Variants in PDE3A observed in about 807,000 individuals in gnomAD.
The protein encoded by PDE3A is phosphodiesterase 3A.
In PDE3A, 43 loss-of-function variants were observed where a neutral mutation model predicts 98.3. The ratio of observed to expected loss-of-function variants is 0.44; its 90% CI spans 0.34 to 0.56. The LOEUF (loss-of-function observed/expected upper bound fraction) is 0.56, where lower values mean the gene tolerates loss of function less well. PDE3A is among the 20% of genes least tolerant of loss of function. The probability of loss-of-function intolerance (pLI) is 0.01; values close to 1 mark genes in which losing one functional copy is unlikely to be tolerated. For synonymous variants in PDE3A, 663 were observed against 567.9 expected, an observed-to-expected ratio of 1.17 and a Z score of -2.38; for missense variants, 1,427 against 1,440.7, an observed-to-expected ratio of 0.99 and a Z score of 0.15.
chr12:20,601,087 A>G (rs1212969341), intron 2 of PDE3A, among the ~76,000 whole-genome samples: 2 of 152,220 alleles, frequency 1.3e-5, no homozygotes, highest in Admixed American at 1.3e-4. Context: ...TTGAGCCTGA[A>G]GGAGGAAGAC....
Position 20,558,406 on chromosome 12 carries a change from G to A in PDE3A, c.1011+1696G>A, listed in dbSNP as rs183369735. On this transcript the variant is annotated intron_variant, in intron 2 of 15. Coordinates refer to ENST00000359062, the MANE Select transcript of PDE3A (RefSeq NM_000921.5). ...TCTAAAAAGCAAAAGCATTAAAATC[G>A]GCTTGCATGAATTACCATTATCAAC... Among the ~76,000 whole-genome samples the A allele has an allele frequency of 2.0e-5, 3 of 151,898 alleles. No individual in the cohort carries two copies. In the East Asian group the frequency reaches 5.8e-4, roughly 29 times the overall value.
intron 1 of PDE3A, among the ~76,000 whole-genome samples, chr12:20,395,865 T>G (rs1426027374): frequency 6.6e-6 from 1 of 151,774 alleles, no homozygotes; most frequent in African/African-American, 2.4e-5. Context: ...AGAAAAAATA[T>G]TTTCCCTTTT....
intron 5 of PDE3A, among the ~76,000 whole-genome samples, chr12:20,622,886 G>A (rs536223806): frequency 8.6e-5 from 13 of 151,908 alleles, no homozygotes; most frequent in Non-Finnish European, 1.9e-4. Context: ...ATTCAAACAT[G>A]GAGCTTACAA....
chr12:20,373,922 T>G (rs1331255024), intron 1 of PDE3A, among the ~76,000 whole-genome samples: 2 of 152,168 alleles, frequency 1.3e-5, no homozygotes, highest in African/African-American at 2.4e-5. Flanking sequence ...AAAAACTTGC[T>G]TATTTCTTCT....
intron 1 of PDE3A, among the ~76,000 whole-genome samples, chr12:20,382,005 G>A (rs2120548660): frequency 6.6e-6 from 1 of 151,938 alleles, no homozygotes; most frequent in Non-Finnish European, 1.5e-5. Flanking sequence ...TGAAGTCTGT[G>A]AGGACATTGC....
intron 1 of PDE3A, among the ~76,000 whole-genome samples, chr12:20,377,084 T>C (rs1943586014): frequency 6.6e-6 from 1 of 151,980 alleles, no homozygotes; most frequent in Non-Finnish European, 1.5e-5. Context: ...TGCATGTGCA[T>C]GTGTGTACCT....
At chr12:20,547,634 A>G (rs972679801) in intron 1 of PDE3A, among the ~76,000 whole-genome samples, 4 of 151,948 alleles carry the variant, frequency 2.6e-5, no homozygotes. Flanking sequence ...TCTTTTTTTC[A>G]TATCTAAAAC....
chr12:20,369,719 G>C lies in PDE3A; in HGVS notation c.435G>C (p.Trp145Cys). The C allele has an allele frequency of 6.2e-7, 1 of 1,612,226 alleles. No homozygotes were observed. The highest frequency in any genetic ancestry group is 8.5e-7 in the Non-Finnish European group (1 of 1,179,720). The part of the protein sequence containing the change: ...LLFSLLCAFF[W>C]MGLYLLRAGV... ...TCAGTCTCCTGTGTGCCTTCTTCTG[G>C]ATGGGCTTGTACCTCCTGCGCGCCG... Residue 145 changes from tryptophan (W) to cysteine (C), a missense_variant, in exon 1 of 16, where the codon TGG becomes TGC. By Grantham distance (215) the Trp-to-Cys change is radical. This residue lies in a region of PDE3A where 1,012 missense variants were observed against 886.5 expected (regional missense o/e 1.14). Coordinates refer to ENST00000359062, the MANE Select transcript of PDE3A (RefSeq NM_000921.5).
At chr12:20,377,920 T>A (rs1464711665) in intron 1 of PDE3A, among the ~76,000 whole-genome samples, 2 of 151,726 alleles carry the variant, frequency 1.3e-5, no homozygotes. Flanking sequence ...TGATGATTAG[T>A]CTATAATTGG....
rs1945702121 is a variant in PDE3A, at chr12:20,485,091, C to A, written c.961-71569C>A. Among the ~76,000 whole-genome samples, 6 of 152,056 alleles carry A rather than the reference C, an allele frequency of 3.9e-5. No individual in the cohort carries two copies. The South Asian group carries it at 1.2e-3, about 32-fold the overall frequency. ...TCCTGGGGCTGTTGTCACAAAGTAC[C>A]AAAAACTGTGCTGCTTAAACAATAG... On this transcript the variant is annotated intron_variant, in intron 1 of 15. Transcript: ENST00000359062.
chr12:20,528,780 T>G (rs1946572238), intron 1 of PDE3A, among the ~76,000 whole-genome samples: 1 of 152,130 alleles, frequency 6.6e-6, no homozygotes, highest in Non-Finnish European at 1.5e-5. Flanking sequence ...AAATAGGTAC[T>G]TGATGACATT....
chr12:20,556,558 C>A, intron 1 of PDE3A, 102 bp from the exon 2 acceptor site: 1 of 758,932 alleles, frequency 1.3e-6, no homozygotes, highest in South Asian at 1.6e-5. Flanking sequence ...TAATATATTA[C>A]TAATAAAGAT....
At chr12:20,667,812 T>A (rs1378243587) in intron 15 of PDE3A, among the ~76,000 whole-genome samples, 1 of 152,194 alleles carries the variant, frequency 6.6e-6, no homozygotes, top group African/African-American at 2.4e-5. Flanking sequence ...AATAATGTAT[T>A]GGTATTTTAA....
Position 20,650,394 on chromosome 12 carries a change from A to G in PDE3A, c.2770-51A>G, listed in dbSNP as rs138306145. The stretch of plus-strand genomic sequence containing the variant: ...TTCTATTGTTTTTCTCTTCTATTCA[A>G]CTTTTGTTTTTATCAAAGCAAAACA... On this transcript the variant is annotated intron_variant, in intron 13 of 15. Coordinates refer to ENST00000359062, the MANE Select transcript of PDE3A (RefSeq NM_000921.5). The G allele has an allele frequency of 2.3e-3, 2,796 of 1,232,450 alleles. 5 individuals are homozygous for G. Among genetic ancestry groups the G allele is most frequent in the Non-Finnish European group, 2.9e-3 (2,539 of 865,652 alleles). The allele number at this position is 1,232,450 out of a possible 1,614,324, so 76.3% of individuals were successfully genotyped here.
chr12:20,629,565 A>AT (rs1045579372), intron 5 of PDE3A, among the ~76,000 whole-genome samples: 3 of 152,166 alleles, frequency 2.0e-5, no homozygotes, highest in Non-Finnish European at 2.9e-5. Context: ...ACATGAGAAA[A>AT]TTTTAACTAT....
chr12:20,434,838 T>C (rs932549739), intron 1 of PDE3A, among the ~76,000 whole-genome samples: 4 of 152,326 alleles, frequency 2.6e-5, no homozygotes, highest in African/African-American at 9.6e-5. Flanking sequence ...TCATATTTTT[T>C]CAGATACTAA....
intron 15 of PDE3A, among the ~76,000 whole-genome samples, chr12:20,674,767 T>C (rs1945589936): frequency 6.6e-6 from 1 of 152,178 alleles, no homozygotes; most frequent in African/African-American, 2.4e-5. Flanking sequence ...GATACTTTTG[T>C]ATTTCTGTGC....
At chr12:20,600,309 A>G (rs1018303171) in intron 2 of PDE3A, among the ~76,000 whole-genome samples, 3 of 152,126 alleles carry the variant, frequency 2.0e-5, no homozygotes, top group African/African-American at 4.8e-5. Flanking sequence ...TCCTCATTCT[A>G]TGAAAGACTC....
chr12:20,551,566 G>A (rs950630807), intron 1 of PDE3A: 29 of 1,505,258 alleles, frequency 1.9e-5, no homozygotes, highest in Admixed American at 4.1e-5. Context: ...CGCGACCCCC[G>A]AGCGGGTCTG....
Sources: gnomAD v4.1 joint callset for allele counts (sites outside exome capture counted in the v4.1 genomes callset) on GRCh38, gnomAD v4.1.1 for gene constraint, gnomAD v4.1.1 regional missense constraint, MANE v1.5 for transcripts, NCBI Gene and HGNC (gene_info 2026-07-23, HGNC 2026-07-21) for gene names.